The following TMEM135 variants were observed in gnomAD, a reference collection of about 807,000 sequenced individuals.
TMEM135 encodes the protein peroxisomal membrane protein 52.
TMEM135 carries 30 observed loss-of-function variants against 60.3 expected under a neutral mutation model. That is an observed-to-expected ratio of 0.50 (90% CI 0.37 to 0.68). TMEM135 has a LOEUF of 0.68. TMEM135 is among the 30% of genes least tolerant of loss of function. TMEM135 has a pLI of 0.00. For synonymous variants in TMEM135, 190 were observed against 186.7 expected, an observed-to-expected ratio of 1.02 and a Z score of -0.14; for missense variants, 468 against 548.8, an observed-to-expected ratio of 0.85 and a Z score of 1.47.
intron 8 of TMEM135, among the ~76,000 whole-genome samples, chr11:87,305,539 C>T (rs557969242): frequency 2.0e-4 from 30 of 152,032 alleles, no homozygotes; most frequent in East Asian, 1.5e-3. Flanking sequence ...TTTGGGAGGC[C>T]GAGGCAGGCG....
In TMEM135 at chr11:87,324,691, G is replaced by A. The variant is rs749776274; in HGVS notation, c.*3358G>A. 1 of 453,306 alleles carries A rather than the reference G, an allele frequency of 2.2e-6. No individual in the cohort carries two copies. Among genetic ancestry groups the A allele is most frequent in the African/African-American group, 2.0e-5 (1 of 49,826 alleles). 28.1% of individuals were successfully genotyped at this position (453,306 alleles called of 1,614,324 possible). A position where few individuals can be genotyped will look rare whatever the true frequency, so the allele number is the denominator to read the frequency against. On this transcript the variant is annotated 3_prime_UTR_variant, in exon 15 of 15. Coordinates refer to ENST00000305494, the MANE Select transcript of TMEM135 (RefSeq NM_022918.4). ...AGTGATCCTCTTGGGTTGGCCTCCC[G>A]GGACTCTGGGATTCCAGGTGTGAGC... is the stretch of plus-strand genomic sequence containing the variant.
At chr11:87,158,635 G>A (rs1938771607) in intron 5 of TMEM135, among the ~76,000 whole-genome samples, 1 of 127,056 alleles carries the variant, frequency 7.9e-6, no homozygotes, top group Non-Finnish European at 1.6e-5. Flanking sequence ...CTAATTTTTT[G>A]TATTTTTTTT....
At position 87,321,828 on chromosome 11, in the gene TMEM135, A is replaced by T; in HGVS notation, c.*495A>T. The T allele has an allele frequency of 2.2e-6, 1 of 454,472 alleles. No homozygotes were observed. Among genetic ancestry groups the T allele is most frequent in the Non-Finnish European group, 4.4e-6 (1 of 226,756 alleles). 28.2% of individuals were successfully genotyped at this position (454,472 alleles called of 1,614,324 possible). On this transcript the variant is annotated 3_prime_UTR_variant, in exon 15 of 15. Transcript: ENST00000305494. ...TAGTGGAATGTTATAGATTTGAAGT[A>T]ACTCTCCACGGACAGTGCTGCTTTC...
intron 6 of TMEM135, among the ~76,000 whole-genome samples, chr11:87,240,565 T>C (rs753471860): frequency 6.6e-6 from 1 of 152,040 alleles, no homozygotes; most frequent in Non-Finnish European, 1.5e-5. Context: ...GATTACTAAA[T>C]CTTTTAATTA....
rs540395120 is a variant in TMEM135, at chr11:87,299,020, A to G, written c.551+3197A>G. On this transcript the variant is annotated intron_variant, in intron 7 of 14. Coordinates refer to ENST00000305494, the MANE Select transcript of TMEM135 (RefSeq NM_022918.4). ...GGAGAATTGCTTGAAACCAGAAGGC[A>G]GAGGTTGCAGTGAGCCGAGATTGCG... Among the ~76,000 whole-genome samples the G allele has an allele frequency of 2.0e-5, 3 of 152,228 alleles. No individual in the cohort carries two copies. In the South Asian group the frequency reaches 6.2e-4, roughly 32 times the overall value.
chr11:87,283,996 T>A (rs1942116863), intron 6 of TMEM135, among the ~76,000 whole-genome samples: 1 of 152,246 alleles, frequency 6.6e-6, no homozygotes, highest in Non-Finnish European at 1.5e-5. Flanking sequence ...CTTTAAAAAA[T>A]AGATTGGTTC....
chr11:87,039,207 T>G (rs1949730502), intron 1 of TMEM135, among the ~76,000 whole-genome samples: 1 of 152,238 alleles, frequency 6.6e-6, no homozygotes, highest in African/African-American at 2.4e-5. Context: ...AAAAGTCTGA[T>G]TATGTATTTC....
chr11:87,265,438 A>G (rs1941728544), intron 6 of TMEM135, among the ~76,000 whole-genome samples: 1 of 151,948 alleles, frequency 6.6e-6, no homozygotes, highest in Non-Finnish European at 1.5e-5. Context: ...ATTTTACCAT[A>G]TTACATATAA....
At chr11:87,105,528 C>T (rs1215594764) in intron 4 of TMEM135, among the ~76,000 whole-genome samples, 2 of 152,168 alleles carry the variant, frequency 1.3e-5, no homozygotes, top group Non-Finnish European at 2.9e-5. Flanking sequence ...TGGCCTATCA[C>T]ATTTATTGAT....
chr11:87,248,638 C>A (rs1177795338), intron 6 of TMEM135, among the ~76,000 whole-genome samples: 1 of 134,438 alleles, frequency 7.4e-6, no homozygotes, highest in African/African-American at 2.8e-5. Flanking sequence ...ATTTTTTTTT[C>A]TATTTCTATG....
At chr11:87,071,679 T>TC in intron 3 of TMEM135, 64 bp downstream of exon 3, 1 of 1,306,150 alleles carries the variant, frequency 7.7e-7, no homozygotes, top group Admixed American at 2.2e-5. Context: ...CTATAATTTT[T>TC]TTTTTTTTAA....
intron 1 of TMEM135, among the ~76,000 whole-genome samples, chr11:87,042,195 T>C (rs1301843728): frequency 1.3e-5 from 2 of 152,226 alleles, no homozygotes; most frequent in South Asian, 2.1e-4. Flanking sequence ...AGAAATGTGA[T>C]TGGACAATAA....
intron 13 of TMEM135, chr11:87,318,971 T>G (rs1590869383): frequency 4.7e-6 from 1 of 212,594 alleles, no homozygotes; most frequent in Admixed American, 5.5e-5. Flanking sequence ...TGGGTTCAAG[T>G]GATTCTCCTG....
intron 6 of TMEM135, among the ~76,000 whole-genome samples, chr11:87,270,051 A>G (rs1169691801): frequency 7.4e-6 from 1 of 134,558 alleles, no homozygotes; most frequent in African/African-American, 2.6e-5. Flanking sequence ...CTGGTGTGAG[A>G]TGGTATCTCA....
rs765675071 is a variant in TMEM135 at position 87,322,237 on chromosome 11, A to G, written c.*904A>G. On this transcript the variant is annotated 3_prime_UTR_variant, in exon 15 of 15. Coordinates refer to ENST00000305494, the MANE Select transcript of TMEM135 (RefSeq NM_022918.4). ...TTGTATTAGAAGGGATCAAAATCCT[A>G]TGGAACAAAGTAGTCTTGGCAAGTT... The G allele has an allele frequency of 3.3e-5, 15 of 454,284 alleles. No individual in the cohort carries two copies. The highest frequency in any genetic ancestry group is 4.9e-5 in the Non-Finnish European group (11 of 226,760). The allele number at this position is 454,284 out of a possible 1,614,324, so 28.1% of individuals were successfully genotyped here.
intron 6 of TMEM135, among the ~76,000 whole-genome samples, chr11:87,278,593 C>T (rs934914453): frequency 1.3e-5 from 2 of 152,040 alleles, no homozygotes; most frequent in South Asian, 2.1e-4. Context: ...AGGCTGGTCT[C>T]GAACTCCTGA....
chr11:87,221,047 T>C (rs530573172), intron 5 of TMEM135, among the ~76,000 whole-genome samples: 11 of 152,210 alleles, frequency 7.2e-5, no homozygotes, highest in Non-Finnish European at 1.5e-4. Flanking sequence ...GCTGTTGTCA[T>C]AAAGTTTAAG....
chr11:87,126,866 G>A (rs1937748577), intron 4 of TMEM135, among the ~76,000 whole-genome samples: 1 of 152,118 alleles, frequency 6.6e-6, no homozygotes, highest in South Asian at 2.1e-4. Context: ...AGTAATTTAT[G>A]ATGGAATTAA....
chr11:87,098,901 G>T (rs2135180267), intron 4 of TMEM135, among the ~76,000 whole-genome samples: 1 of 152,174 alleles, frequency 6.6e-6, no homozygotes, highest in South Asian at 2.1e-4. Context: ...TGTCAGCCAG[G>T]ATGGTCTCGA....
Sources: gnomAD v4.1 joint callset for allele counts (sites outside exome capture counted in the v4.1 genomes callset) on GRCh38, gnomAD v4.1.1 for gene constraint, MANE v1.5 for transcripts, NCBI Gene and HGNC (gene_info 2026-07-23, HGNC 2026-07-21) for gene names.